SOX6: variants seen among roughly 807,000 people sequenced by gnomAD.
The protein encoded by SOX6 is transcription factor SOX-6.
In SOX6, 11 loss-of-function variants were observed where a neutral mutation model predicts 97.8. The ratio of observed to expected loss-of-function variants is 0.11; its 90% confidence interval spans 0.07 to 0.19. The LOEUF is 0.19. SOX6 is among the 10% of genes least tolerant of loss of function. The pLI is 1.00. For synonymous variants in SOX6, 360 were observed against 371.4 expected (o/e 0.97, Z 0.35); for missense variants, 810 against 1,039.5 (o/e 0.78, Z 3.04).
At chr11:16,279,834 T>C (rs1023821627) in intron 3 of SOX6, among the ~76,000 whole-genome samples, 3 of 152,126 alleles carry the variant, frequency 2.0e-5, no homozygotes, top group Non-Finnish European at 4.4e-5. Context: ...TTAATACATA[T>C]TTTATGCATT....
At chr11:16,182,932 G>T (rs1733563965) in intron 6 of SOX6, among the ~76,000 whole-genome samples, 1 of 151,764 alleles carries the variant, frequency 6.6e-6, no homozygotes, top group African/African-American at 2.4e-5. Flanking sequence ...AGAAGGGCAT[G>T]ATATTAACCT....
At chr11:16,583,209 T>C (rs1848047122) in intron 4 of SOX6, among the ~76,000 whole-genome samples, 1 of 152,088 alleles carries the variant, frequency 6.6e-6, no homozygotes, top group South Asian at 2.1e-4. Flanking sequence ...ATAGTGATAT[T>C]CTGATACATG....
At chr11:16,096,636 A>G (rs1358142651) in intron 8 of SOX6, among the ~76,000 whole-genome samples, 1 of 151,838 alleles carries the variant, frequency 6.6e-6, no homozygotes, top group African/African-American at 2.4e-5. Flanking sequence ...TTTTCATGGG[A>G]CAATAGTTGT....
chr11:16,462,354 T>C (rs1859947609), intron 1 of SOX6, among the ~76,000 whole-genome samples: 1 of 152,258 alleles, frequency 6.6e-6, no homozygotes, highest in African/African-American at 2.4e-5. Flanking sequence ...TTTCTGGTAC[T>C]GTCTTGGGAG....
At position 16,185,421 on chromosome 11, in the gene SOX6, C is replaced by T. The variant is rs12789999; in HGVS notation, c.708+1362G>A. Among the ~76,000 whole-genome samples, 904 of 152,270 alleles carry T rather than the reference C, an allele frequency of 5.9e-3. 5 individuals are homozygous for T. The highest frequency in any genetic ancestry group is 8.2e-3 in the Non-Finnish European group (555 of 68,014). Reference sequence around the variant, plus strand: ...ACTAGGCATCTAATATTGATGGTCCCTCCTAAATGATAAAGTGCTGCATAG... The same window carrying T: ...ACTAGGCATCTAATATTGATGGTCCTTCCTAAATGATAAAGTGCTGCATAG... On this transcript the variant is annotated intron_variant, in intron 5 of 15. Transcript: ENST00000683767.
intron 4 of SOX6, among the ~76,000 whole-genome samples, chr11:16,562,562 G>A (rs1002298649): frequency 1.3e-5 from 2 of 151,980 alleles, no homozygotes; most frequent in African/African-American, 4.8e-5. Flanking sequence ...AAACCTAGTG[G>A]TGAACCTAGA....
At position 16,097,701 on chromosome 11, in the gene SOX6, A is replaced by G. The variant is rs1173319819; in HGVS notation, c.899-13T>C. On this transcript the variant is annotated splice_polypyrimidine_tract_variant and intron_variant, in intron 7 of 15. Transcript: ENST00000683767. ...GGGTAGTTATCACCTGTCGGAAAGA[A>G]CAATGCATACAGGTTTAGACAATGC... 3 of 1,606,622 alleles carry G rather than the reference A, an allele frequency of 1.9e-6. No individual in the cohort carries two copies. Among genetic ancestry groups the G allele is most frequent in the South Asian group, 2.2e-5 (2 of 90,954 alleles).
intron 3 of SOX6, among the ~76,000 whole-genome samples, chr11:16,236,155 A>G (rs1853013505): frequency 6.6e-6 from 1 of 151,940 alleles, no homozygotes; most frequent in African/African-American, 2.4e-5. Flanking sequence ...CTCAGTCTTC[A>G]ACAAATGATC....
chr11:16,579,140 A>G (rs1273138716), intron 4 of SOX6, among the ~76,000 whole-genome samples: 2 of 152,096 alleles, frequency 1.3e-5, no homozygotes, highest in East Asian at 3.9e-4. Context: ...CACTCAGTAA[A>G]TGCATATGAA....
intron 2 of SOX6, among the ~76,000 whole-genome samples, chr11:16,723,569 G>C (rs1324967896): frequency 6.6e-6 from 1 of 152,040 alleles, no homozygotes; most frequent in Admixed American, 6.6e-5. Flanking sequence ...TAGCACTTTG[G>C]GAAGCTGAGG....
At chr11:16,687,185 TC>T (rs1407750460) in intron 3 of SOX6, among the ~76,000 whole-genome samples, 2 of 152,210 alleles carry the variant, frequency 1.3e-5, no homozygotes, top group Non-Finnish European at 2.9e-5. Flanking sequence ...TTTGCTTGGC[TC>T]ACAGTTCTGC....
chr11:16,244,270 T>C (rs1853273492), intron 3 of SOX6, among the ~76,000 whole-genome samples: 1 of 151,880 alleles, frequency 6.6e-6, no homozygotes. Flanking sequence ...GACTAAGATA[T>C]TGAGCATATT....
chr11:16,665,466 G>A (rs904019784), intron 3 of SOX6, among the ~76,000 whole-genome samples: 3 of 152,186 alleles, frequency 2.0e-5, no homozygotes, highest in African/African-American at 4.8e-5. Context: ...GGACTAAGGG[G>A]GGAAAACAGT....
At chr11:16,461,513 AC>A (rs1410170865) in intron 1 of SOX6, among the ~76,000 whole-genome samples, 4 of 151,834 alleles carry the variant, frequency 2.6e-5, no homozygotes, top group African/African-American at 9.7e-5. Context: ...ACCTAAATCC[AC>A]CTGAACTTAT....
chr11:16,004,746 C>A (rs143342898), intron 13 of SOX6, among the ~76,000 whole-genome samples: 10 of 152,086 alleles, frequency 6.6e-5, no homozygotes, highest in African/African-American at 1.2e-4. Flanking sequence ...CAAAGGCAAC[C>A]AATTTAGTCA....
Position 16,052,318 on chromosome 11 carries a change from A to T in SOX6, c.1252-2380T>A, listed in dbSNP as rs181684058. ...AACCAAACCTGGTAGAAGGGGAAAT[A>T]ACAATAGCCCTAGGCCAGAATGTCA... On this transcript the variant is annotated intron_variant, in intron 10 of 15. Coordinates refer to ENST00000683767, the MANE Select transcript of SOX6 (RefSeq NM_001367873.1). Among the ~76,000 whole-genome samples, 5 of 152,184 alleles carry T rather than the reference A, an allele frequency of 3.3e-5. No homozygotes were observed. The East Asian group carries it at 9.7e-4, about 29-fold the overall frequency.
intron 4 of SOX6, among the ~76,000 whole-genome samples, chr11:16,187,575 A>G (rs1464998220): frequency 1.3e-5 from 2 of 152,126 alleles, no homozygotes; most frequent in Non-Finnish European, 2.9e-5. Context: ...ATCAAGTAAA[A>G]TTCCCAAGTT....
intron 2 of SOX6, among the ~76,000 whole-genome samples, chr11:16,730,048 A>ATATC (rs1554903375): frequency 1.3e-5 from 2 of 149,344 alleles, no homozygotes; most frequent in Admixed American, 6.7e-5. Context: ...ATATATATAT[A>ATATC]TCCTAAATAT....
chr11:16,247,493 G>A (rs1853373438), intron 3 of SOX6, among the ~76,000 whole-genome samples: 1 of 152,130 alleles, frequency 6.6e-6, no homozygotes, highest in South Asian at 2.1e-4. Flanking sequence ...TTGACTCACA[G>A]TTCTGCAGGG....
Sources: allele counts gnomAD v4.1 joint callset (sites outside exome capture counted in the v4.1 genomes callset), GRCh38; gene constraint gnomAD v4.1.1; transcripts MANE v1.5; gene names NCBI Gene and HGNC (gene_info 2026-07-23, HGNC 2026-07-21).